The following GEMIN2 variants were observed in gnomAD, a reference collection of about 807,000 sequenced individuals.
The protein encoded by GEMIN2 is gem-associated protein 2.
GEMIN2 carries 37 observed loss-of-function variants against 45.8 expected under a neutral mutation model. The ratio of observed to expected loss-of-function variants is 0.81; its 90% CI spans 0.62 to 1.06. The LOEUF (loss-of-function observed/expected upper bound fraction) is 1.06, where lower values mean the gene tolerates loss of function less well. Ranked by LOEUF, GEMIN2 falls within the 50% of genes least tolerant of loss-of-function variation. GEMIN2 has a pLI of 0.00. For missense variants in GEMIN2, 335 were observed against 321.8 expected (o/e 1.04, Z -0.31); for synonymous variants, 101 against 111.5 (o/e 0.91, Z 0.60).
intron 6 of GEMIN2, 96 bp from the exon 7 acceptor site, chr14:39,128,184 T>C: frequency 2.9e-6 from 2 of 682,410 alleles, no homozygotes; most frequent in Non-Finnish European, 5.1e-6. Flanking sequence ...ATTTTTAACA[T>C]CAGAGTTGCT....
intron 4 of GEMIN2, among the ~76,000 whole-genome samples, chr14:39,121,649 A>G (rs1210069635): frequency 1.3e-5 from 2 of 152,188 alleles, no homozygotes; most frequent in East Asian, 1.9e-4. Context: ...AAATGTATTT[A>G]TTTTCTCAGT....
chr14:39,127,279 G>A (rs368322723), intron 6 of GEMIN2, among the ~76,000 whole-genome samples: 80 of 145,528 alleles, frequency 5.5e-4, no homozygotes, highest in Admixed American at 2.0e-3. Context: ...TAGTAGAGAC[G>A]GGGTTTTGCC....
At position 39,131,946 on chromosome 14, in the gene GEMIN2, AT is replaced by A. The variant is rs200271279; in HGVS notation, c.601-3del. ...ATTTGTCTAAATATTAATTTTTTGA[AT>A]TTTTTTTTAGGGAAGATGGCTTTAT... On this transcript the variant is annotated splice_polypyrimidine_tract_variant and intron_variant, in intron 7 of 9. Coordinates refer to ENST00000308317, the MANE Select transcript of GEMIN2 (RefSeq NM_003616.3). 867 of 1,382,948 alleles carry A rather than the reference AT, an allele frequency of 6.3e-4. 1 individual carries two copies. The highest frequency in any genetic ancestry group is 7.3e-4 in the Non-Finnish European group (720 of 982,516). The allele number at this position is 1,382,948 out of a possible 1,614,324, so 85.7% of individuals were successfully genotyped here. A position where few individuals can be genotyped will look rare whatever the true frequency, so the allele number is the denominator to read the frequency against.
chr14:39,116,277 C>G (rs1041466045), intron 2 of GEMIN2, among the ~76,000 whole-genome samples: 1 of 152,108 alleles, frequency 6.6e-6, no homozygotes, highest in African/African-American at 2.4e-5. Context: ...CTGAAGTGAT[C>G]TGCCTGCCTC....
At position 39,132,044 on chromosome 14, in the gene GEMIN2, G is replaced by T. The variant is rs1437684779; in HGVS notation, c.687G>T (p.Arg229Ser). The change falls in exon 8 of 10, where the codon AGG becomes AGT. Residue 229 changes from arginine to serine, a missense_variant. By Grantham distance (110) the Arg-to-Ser change is moderately radical. Coordinates refer to ENST00000308317, the MANE Select transcript of GEMIN2 (RefSeq NM_003616.3). ...AHSLIRQLAR[R>S]CSEVRLLVDS... The stretch of plus-strand genomic sequence containing the variant: ...CACTGATTCGGCAGCTTGCAAGAAG[G>T]TGCTCTGAAGTGAGGCTCTTAGTGG... 9 of 1,567,912 alleles carry T rather than the reference G, an allele frequency of 5.7e-6. No individual in the cohort carries two copies. Among genetic ancestry groups the T allele is most frequent in the Non-Finnish European group, 7.9e-6 (9 of 1,138,224 alleles).
At position 39,125,649 on chromosome 14, in the gene GEMIN2, C is replaced by A. The variant is rs115910777; in HGVS notation, c.531+613C>A. Among the ~76,000 whole-genome samples, 531 of 152,158 alleles carry A rather than the reference C, an allele frequency of 3.5e-3. 2 individuals carry two copies. The highest frequency in any genetic ancestry group is 0.012 in the African/African-American group (498 of 41,530). On this transcript the variant is annotated intron_variant, in intron 6 of 9. Transcript: ENST00000308317. ...TTACAATGTGTTTATCAGCACATAACCCCATTGCAAGTTCAGGGGCATCTG... is the reference window on the plus strand; with the variant it reads ...TTACAATGTGTTTATCAGCACATAAACCCATTGCAAGTTCAGGGGCATCTG...
chr14:39,114,363 G>T lies in GEMIN2; in HGVS notation c.25G>T (p.Ala9Ser). 1 of 1,613,632 alleles carries T rather than the reference G, an allele frequency of 6.2e-7. No homozygotes were observed. The highest frequency in any genetic ancestry group is 1.1e-5 in the South Asian group (1 of 91,060). MAWVPAES[A>S]VEELMPRLLP... ...CATGGCGTGGGTACCAGCGGAGTCCGCAGTGGAAGAGTTGATGCCTCGGCT... is the reference window on the plus strand; with the variant it reads ...CATGGCGTGGGTACCAGCGGAGTCCTCAGTGGAAGAGTTGATGCCTCGGCT... Residue 9 changes from alanine (A) to serine (S), a missense_variant, in exon 1 of 10, where the codon GCA becomes TCA. Physicochemically the swap from Ala to Ser is moderately conservative, Grantham distance 99 (BLOSUM62 1). Coordinates refer to ENST00000308317, the MANE Select transcript of GEMIN2 (RefSeq NM_003616.3).
chr14:39,116,250 G>A (rs540977124), intron 2 of GEMIN2, among the ~76,000 whole-genome samples: 1 of 151,900 alleles, frequency 6.6e-6, no homozygotes, highest in Non-Finnish European at 1.5e-5. Context: ...TGGCCAGGCT[G>A]GTCTCAAACT....
chr14:39,122,660 C>A (rs1416878149), intron 5 of GEMIN2, 117 bp downstream of exon 5: 7 of 529,340 alleles, frequency 1.3e-5, no homozygotes, highest in Non-Finnish European at 3.4e-6. Context: ...TTTTTTATAT[C>A]CATGAGCTAA....
chr14:39,119,164 A>AT (rs1251726530), intron 4 of GEMIN2, among the ~76,000 whole-genome samples: 1 of 152,192 alleles, frequency 6.6e-6, no homozygotes, highest in Non-Finnish European at 1.5e-5. Flanking sequence ...TCTTCTAGAC[A>AT]TTTACTTTCT....
At chr14:39,118,945 T>C (rs2052545107) in intron 4 of GEMIN2, among the ~76,000 whole-genome samples, 1 of 151,760 alleles carries the variant, frequency 6.6e-6, no homozygotes, top group South Asian at 2.1e-4. Flanking sequence ...CAGCTAATTG[T>C]TAAAATTTTT....
In GEMIN2 at chr14:39,129,673, A is replaced by C. The variant is rs538116501; in HGVS notation, c.600+1325A>C. On this transcript the variant is annotated intron_variant, in intron 7 of 9. Transcript: ENST00000308317. The stretch of plus-strand genomic sequence containing the variant: ...GGTGATCTGCCCGCCTCCACCTCTC[A>C]AAGTGTTGGAATTACAGGCGTGAGC... Among the ~76,000 whole-genome samples, 10 of 152,236 alleles carry C rather than the reference A, an allele frequency of 6.6e-5. No individual in the cohort carries two copies. The South Asian group carries it at 2.1e-3, about 32-fold the overall frequency.
In GEMIN2 at chr14:39,114,809, C is replaced by T. The variant is rs1365781981; in HGVS notation, c.138-20C>T. The T allele has an allele frequency of 3.9e-6, 5 of 1,294,504 alleles. No individual in the cohort carries two copies. The Admixed American group carries it at 6.8e-5, about 18-fold the overall frequency. The allele number at this position is 1,294,504 out of a possible 1,614,324, so 80.2% of individuals were successfully genotyped here. ...AGCACAACAGAAATTTAATTTATCGCGTTTATTACTTATTTGTAGGATCGA... is the reference window on the plus strand; with the variant it reads ...AGCACAACAGAAATTTAATTTATCGTGTTTATTACTTATTTGTAGGATCGA... On this transcript the variant is annotated intron_variant, in intron 1 of 9. Coordinates refer to ENST00000308317, the MANE Select transcript of GEMIN2 (RefSeq NM_003616.3).
In GEMIN2 at chr14:39,136,571, C is replaced by T; in HGVS notation, c.*92C>T. The T allele has an allele frequency of 1.1e-6, 1 of 928,424 alleles. No individual in the cohort carries two copies. Among genetic ancestry groups the T allele is most frequent in the South Asian group, 1.3e-5 (1 of 74,964 alleles). 57.5% of individuals were successfully genotyped at this position (928,424 alleles called of 1,614,324 possible). ...GCCAATTCAAGTACAGATTTCAACA[C>T]ATCTTCAACACTATGTGAAGGGTTC... On this transcript the variant is annotated 3_prime_UTR_variant, in exon 10 of 10. Transcript: ENST00000308317.
At chr14:39,127,615 C>CT (rs2052661223) in intron 6 of GEMIN2, among the ~76,000 whole-genome samples, 1 of 150,876 alleles carries the variant, frequency 6.6e-6, no homozygotes, top group African/African-American at 2.4e-5. Context: ...GCTGAGATTA[C>CT]TGGCAAGAGC....
chr14:39,125,023 G>A lies in GEMIN2; in HGVS notation c.518G>A (p.Ser173Asn). Residue 173 changes from serine to asparagine, a missense_variant, in exon 6 of 10, where the codon AGC becomes AAC. Ser to Asn is a conservative substitution (Grantham distance 46). Transcript: ENST00000308317. The stretch of plus-strand genomic sequence containing the variant: ...TTTCCTCCCTTGCTTAGTATTGTTA[G>A]CAGAATGAATCAGGTAAAATTAATA... ...IGFPPLLSIVSRMNQATVTSV... is the reference protein window; with the variant it reads ...IGFPPLLSIVNRMNQATVTSV... 6.8e-7 allele frequency: 1 copy of A among 1,463,010 alleles called. No homozygotes were observed. The highest frequency in any genetic ancestry group is 9.6e-7 in the Non-Finnish European group (1 of 1,045,106). The allele number at this position is 1,463,010 out of a possible 1,614,324, so 90.6% of individuals were successfully genotyped here. A position where few individuals can be genotyped will look rare whatever the true frequency, so the allele number is the denominator to read the frequency against.
Position 39,114,393 on chromosome 14 carries a change from C to A in GEMIN2, c.55C>A (p.Pro19Thr). 1.2e-6 allele frequency: 2 copies of A among 1,613,704 alleles called. No individual in the cohort carries two copies. The highest frequency in any genetic ancestry group is 1.7e-6 in the Non-Finnish European group (2 of 1,179,602). The change falls in exon 1 of 10, where the codon CCG becomes ACG. Residue 19 changes from proline (P) to threonine (T), a missense_variant. By Grantham distance (38) the Pro-to-Thr change is conservative. Transcript: ENST00000308317. ...GGAAGAGTTGATGCCTCGGCTATTG[C>A]CGGTAGAGCCTTGCGACTTGACGGA... ...AVEELMPRLL[P>T]VEPCDLTEGF...
In GEMIN2 at chr14:39,135,197, C is replaced by T. The variant is rs1471951757; in HGVS notation, c.771-1243C>T. Among the ~76,000 whole-genome samples, 6 of 151,926 alleles carry T rather than the reference C, an allele frequency of 3.9e-5. No homozygotes were observed. The South Asian group carries it at 8.3e-4, about 21-fold the overall frequency. On this transcript the variant is annotated intron_variant, in intron 9 of 9. Coordinates refer to ENST00000308317, the MANE Select transcript of GEMIN2 (RefSeq NM_003616.3). Reference sequence around the variant, plus strand: ...AAAAACATTCAAGTGTATTTTTTGCCCTCAAAAAGTTAGATAAAAATGGAA... The same window carrying T: ...AAAAACATTCAAGTGTATTTTTTGCTCTCAAAAAGTTAGATAAAAATGGAA...
chr14:39,126,642 AAG>A lies in GEMIN2; in HGVS notation c.531+1609_531+1610del, dbSNP rs771009650. Among the ~76,000 whole-genome samples, 235 of 152,366 alleles carry A rather than the reference AAG, an allele frequency of 1.5e-3. 1 individual carries two copies. Among genetic ancestry groups the A allele is most frequent in the Non-Finnish European group, 2.2e-3 (149 of 68,034 alleles). Reference sequence around the variant, plus strand: ...TTTGAATAAACCAGAGATTATTTTCAAGAGTTTGATAAATCCATCTGTATAGT... The same window carrying A: ...TTTGAATAAACCAGAGATTATTTTCAAGTTTGATAAATCCATCTGTATAGT... On this transcript the variant is annotated intron_variant, in intron 6 of 9. Transcript: ENST00000308317.
Sources: gnomAD v4.1 joint callset for allele counts (sites outside exome capture counted in the v4.1 genomes callset) on GRCh38, gnomAD v4.1.1 for gene constraint, MANE v1.5 for transcripts, NCBI Gene and HGNC (gene_info 2026-07-23, HGNC 2026-07-21) for gene names.